Variants in EFCAB6 observed in about 807,000 individuals in gnomAD.
EFCAB6 encodes EF-hand calcium binding domain 6, also known as EF-hand calcium-binding domain-containing protein 6.
In EFCAB6, 156 loss-of-function variants were observed where a neutral mutation model predicts 169.8. That is an observed-to-expected ratio of 0.92 (90% CI 0.81 to 1.05). EFCAB6 has a LOEUF of 1.05. Ranked by LOEUF, EFCAB6 falls within the 50% of genes least tolerant of loss-of-function variation. The pLI, the probability that EFCAB6 is intolerant of heterozygous loss-of-function variation, is 0.00. For synonymous variants in EFCAB6, 698 were observed against 676.4 expected (o/e 1.03, Z -0.50); for missense variants, 1,800 against 1,829.1 (o/e 0.98, Z 0.29).
chr22:43,589,654 G>A (rs2147393724), intron 24 of EFCAB6, among the ~76,000 whole-genome samples: 2 of 152,262 alleles, frequency 1.3e-5, no homozygotes, highest in South Asian at 4.1e-4. Context: ...CAGGCGTGGT[G>A]GTGTACACCT....
intron 3 of EFCAB6, among the ~76,000 whole-genome samples, chr22:43,775,649 G>A (rs1233980698): frequency 6.6e-6 from 1 of 152,174 alleles, no homozygotes; most frequent in East Asian, 1.9e-4. Context: ...TCACTATGCT[G>A]GCCAGGCTGG....
At chr22:43,554,814 C>T (rs2147070952) in intron 27 of EFCAB6, 55 bp downstream of exon 27, 2 of 1,472,358 alleles carry the variant, frequency 1.4e-6, no homozygotes, top group Non-Finnish European at 1.9e-6. Flanking sequence ...GGCCAGGGAC[C>T]AGGCTGACGC....
At chr22:43,591,472 A>AG (rs1385674936) in intron 23 of EFCAB6, among the ~76,000 whole-genome samples, 1 of 136,828 alleles carries the variant, frequency 7.3e-6, no homozygotes, top group Admixed American at 7.7e-5. Flanking sequence ...AAAAAAAAAA[A>AG]AAAGAAAAGA....
At chr22:43,662,470 G>A (rs564021726) in intron 17 of EFCAB6, among the ~76,000 whole-genome samples, 2 of 152,218 alleles carry the variant, frequency 1.3e-5, no homozygotes, top group African/African-American at 4.8e-5. Flanking sequence ...TGCAGCCTCT[G>A]TTTAAATGAT....
chr22:43,772,942 CTGTGATGATTCTTCTCAG>C lies in EFCAB6; in HGVS notation c.283_300del (p.Leu95_Thr100del). ...TCTCGTGTGAGCGGCATCAGGAAGT[CTGTGATGATTCTTCTCAG>C]TTCACTTTTTGACACAGTCAAGTTC... is the stretch of plus-strand genomic sequence containing the variant. On this transcript the variant is annotated inframe_deletion, in exon 4 of 32. Coordinates refer to ENST00000262726, the MANE Select transcript of EFCAB6 (RefSeq NM_022785.4). 1 of 1,614,216 alleles carries C rather than the reference CTGTGATGATTCTTCTCAG, an allele frequency of 6.2e-7. No individual in the cohort carries two copies. Among genetic ancestry groups the C allele is most frequent in the African/African-American group, 1.3e-5 (1 of 75,054 alleles).
chr22:43,657,479 T>A (rs148951768), intron 17 of EFCAB6, among the ~76,000 whole-genome samples: 223 of 151,972 alleles, frequency 1.5e-3, no homozygotes, highest in African/African-American at 5.3e-3. Context: ...AAATACATTT[T>A]AAAAATAAAC....
rs1242695592 is a variant in EFCAB6, at chr22:43,530,868, T to G, written c.4330A>C (p.Lys1444Gln). The G allele has an allele frequency of 6.2e-7, 1 of 1,614,226 alleles. No homozygotes were observed. The highest frequency in any genetic ancestry group is 8.5e-7 in the Non-Finnish European group (1 of 1,180,052). ...HCWRPMRRTF[K>Q]SYDEAGTGLL... ...CCTGTTCCAGCCTCATCATAGCTTT[T>G]GAACGTGCGCCGCATTGGCCTCCAG... is the stretch of plus-strand genomic sequence containing the variant. The change falls in exon 31 of 32, where the codon AAA (lysine) becomes CAA (glutamine). Residue 1444 changes from lysine to glutamine, a missense_variant. Transcript: ENST00000262726.
intron 6 of EFCAB6, among the ~76,000 whole-genome samples, chr22:43,739,966 G>A (rs1485706442): frequency 1.3e-5 from 2 of 151,744 alleles, no homozygotes; most frequent in African/African-American, 2.4e-5. Context: ...GGCCACACCC[G>A]ACTGGCTCCT....
At chr22:43,751,162 C>G (rs2060745929) in intron 6 of EFCAB6, among the ~76,000 whole-genome samples, 1 of 152,202 alleles carries the variant, frequency 6.6e-6, no homozygotes, top group African/African-American at 2.4e-5. Context: ...ACTGAATATA[C>G]ATTCTTTAAT....
At chr22:43,758,332 C>T (rs1473020065) in intron 5 of EFCAB6, among the ~76,000 whole-genome samples, 1 of 152,054 alleles carries the variant, frequency 6.6e-6, no homozygotes, top group Non-Finnish European at 1.5e-5. Context: ...TTTCCCCTTT[C>T]TTACCTTCTT....
chr22:43,725,652 C>T (rs2147540589), intron 8 of EFCAB6, among the ~76,000 whole-genome samples: 1 of 152,304 alleles, frequency 6.6e-6, no homozygotes, highest in Non-Finnish European at 1.5e-5. Context: ...GAGTTTTACA[C>T]TTTAGGGCTA....
intron 2 of EFCAB6, among the ~76,000 whole-genome samples, chr22:43,806,571 G>C (rs970828272): frequency 6.6e-6 from 1 of 152,110 alleles, no homozygotes; most frequent in African/African-American, 2.4e-5. Flanking sequence ...TAATTGTGGG[G>C]TAGAAGGTCA....
Position 43,626,607 on chromosome 22 carries a change from G to A in EFCAB6, c.2305C>T (p.Leu769=). Residue 769 remains leucine, a synonymous_variant, in exon 20 of 32, where the codon CTG becomes TTG. Coordinates refer to ENST00000262726, the MANE Select transcript of EFCAB6 (RefSeq NM_022785.4). ...AGATTAAGCAGTAGATGCAGGAGCA[G>A]TCTGTGAAGGTCATGCATGTTGATT... ...GIINMHDLHR[L]LLHLLLNLKD... 1 of 1,614,250 alleles carries A rather than the reference G, an allele frequency of 6.2e-7. No homozygotes were observed. Among genetic ancestry groups the A allele is most frequent in the East Asian group, 2.2e-5 (1 of 44,890 alleles).
chr22:43,705,315 A>C (rs894193264), intron 10 of EFCAB6, among the ~76,000 whole-genome samples: 1 of 152,162 alleles, frequency 6.6e-6, no homozygotes, highest in Non-Finnish European at 1.5e-5. Flanking sequence ...TAATGGACAG[A>C]TCATCCAGAT....
chr22:43,636,240 A>G (rs2055386176), intron 17 of EFCAB6, among the ~76,000 whole-genome samples: 1 of 151,708 alleles, frequency 6.6e-6, no homozygotes, highest in Non-Finnish European at 1.5e-5. Context: ...TATCATCAAC[A>G]AAGTCAACAG....
chr22:43,677,776 G>T (rs1204800969), intron 13 of EFCAB6, among the ~76,000 whole-genome samples: 1 of 152,048 alleles, frequency 6.6e-6, no homozygotes, highest in Non-Finnish European at 1.5e-5. Flanking sequence ...GTTCAGGGAT[G>T]GGTTTTCAGA....
At chr22:43,576,970 T>C (rs143431116) in intron 25 of EFCAB6, among the ~76,000 whole-genome samples, 248 of 152,192 alleles carry the variant, frequency 1.6e-3, no homozygotes, top group African/African-American at 5.9e-3. Context: ...GAGTCTGACT[T>C]TGGGAGCAGC....
chr22:43,688,038 G>T (rs1056192751), intron 10 of EFCAB6, among the ~76,000 whole-genome samples: 1 of 152,158 alleles, frequency 6.6e-6, no homozygotes, highest in Non-Finnish European at 1.5e-5. Flanking sequence ...AACTCTCCTG[G>T]TTTATCCAAG....
intron 27 of EFCAB6, among the ~76,000 whole-genome samples, chr22:43,542,275 C>T (rs911708320): frequency 4.6e-5 from 7 of 152,202 alleles, no homozygotes; most frequent in African/African-American, 1.4e-4. Flanking sequence ...CTGGCCAACT[C>T]CCTAATTAAA....
Sources: allele counts gnomAD v4.1 joint callset (sites outside exome capture counted in the v4.1 genomes callset), GRCh38; gene constraint gnomAD v4.1.1; transcripts MANE v1.5; gene names NCBI Gene and HGNC (gene_info 2026-07-23, HGNC 2026-07-21).